Variants in TP73 observed in about 807,000 individuals in gnomAD.
The protein encoded by TP73 is tumor protein p73.
TP73 carries 25 observed loss-of-function variants against 62.5 expected under a neutral mutation model. The ratio of observed to expected loss-of-function variants is 0.40; its 90% CI spans 0.29 to 0.56. TP73 has a LOEUF of 0.56. TP73 is among the 20% of genes least tolerant of loss of function. TP73 has a pLI of 0.46. For synonymous variants in TP73, 423 were observed against 377.5 expected (o/e 1.12, Z -1.40); for missense variants, 754 against 913.3 (o/e 0.83, Z 2.25).
chr1:3,728,251 C>A, intron 9 of TP73, 34 bp downstream of exon 9: 1 of 1,597,378 alleles, frequency 6.3e-7, no homozygotes, highest in Non-Finnish European at 8.5e-7. Context: ...AGCCGGGAGA[C>A]CTGCCTCACC....
At chr1:3,719,890 TTGTGTGTGTGTGTGTGTG>T (rs5772122) in intron 4 of TP73, among the ~76,000 whole-genome samples, 8 of 132,206 alleles carry the variant, frequency 6.1e-5, no homozygotes, top group East Asian at 2.2e-4. Flanking sequence ...TTTTTTCTCT[TTGTGTGTGTGTGTGTGTG>T]TGTGTGTGTG....
At chr1:3,704,631 G>A (rs1021011869) in intron 3 of TP73, among the ~76,000 whole-genome samples, 1 of 152,258 alleles carries the variant, frequency 6.6e-6, no homozygotes, top group Non-Finnish European at 1.5e-5. Flanking sequence ...GGCTGGTGAA[G>A]GGTCGTGTGC....
At chr1:3,656,486 A>G (rs974268015) in intron 1 of TP73, among the ~76,000 whole-genome samples, 1 of 152,218 alleles carries the variant, frequency 6.6e-6, no homozygotes, top group Non-Finnish European at 1.5e-5. Context: ...TTGGCTAAAA[A>G]GTTTACATTT....
Position 3,723,461 on chromosome 1 carries a change from C to A in TP73, c.724C>A (p.Pro242Thr). 1 of 1,609,480 alleles carries A rather than the reference C, an allele frequency of 6.2e-7. No homozygotes were observed. Among genetic ancestry groups the A allele is most frequent in the South Asian group, 1.1e-5 (1 of 90,906 alleles). The change falls in exon 6 of 14, where the codon CCA becomes ACA. Residue 242 changes from proline (P) to threonine (T), a missense_variant. Pro to Thr is a conservative substitution (Grantham distance 38). Transcript: ENST00000378295. ...GCAGAGCGTCGTGGTGCCCTATGAGCCACCACAGGTAGGCCAGGAGCCAGG... is the reference window on the plus strand; with the variant it reads ...GCAGAGCGTCGTGGTGCCCTATGAGACACCACAGGTAGGCCAGGAGCCAGG... ...GRQSVVVPYE[P>T]PQVGTEFTTI...
intron 3 of TP73, among the ~76,000 whole-genome samples, chr1:3,688,619 T>A (rs1220960726): frequency 6.6e-6 from 1 of 151,996 alleles, no homozygotes; most frequent in Non-Finnish European, 1.5e-5. Context: ...GCCAAGGGGG[T>A]GTGGCCCCAG....
rs1642084556 is a variant in TP73 at position 3,730,895 on chromosome 1, T to A, written c.1346-32T>A. On this transcript the variant is annotated intron_variant, in intron 11 of 13. Transcript: ENST00000378295. ...GCTGCACCTGGATGCCCAGCCTGGC[T>A]GCCCTGATGGCCCCACCTGCCTCTC... The A allele has an allele frequency of 7.0e-6, 11 of 1,566,096 alleles. No homozygotes were observed. In the East Asian group the frequency reaches 2.6e-4, roughly 37 times the overall value.
intron 1 of TP73, among the ~76,000 whole-genome samples, chr1:3,680,801 A>G (rs904951510): frequency 3.9e-5 from 6 of 152,224 alleles, no homozygotes; most frequent in Non-Finnish European, 7.3e-5. Flanking sequence ...CCTCAGCTCC[A>G]CTGGGGTTTT....
chr1:3,695,305 GC>G (rs1403824720), intron 3 of TP73, among the ~76,000 whole-genome samples: 1 of 152,206 alleles, frequency 6.6e-6, no homozygotes, highest in Non-Finnish European at 1.5e-5. Context: ...ATGGCCCCTT[GC>G]CCCCCACTTC....
intron 3 of TP73, among the ~76,000 whole-genome samples, chr1:3,700,902 C>T (rs1049560151): frequency 1.3e-5 from 2 of 152,228 alleles, no homozygotes; most frequent in East Asian, 1.9e-4. Context: ...ACCCATGCGG[C>T]GGGAGGGTGA....
chr1:3,704,712 G>A (rs1346592331), intron 3 of TP73, among the ~76,000 whole-genome samples: 1 of 152,334 alleles, frequency 6.6e-6, no homozygotes, highest in Admixed American at 6.5e-5. Flanking sequence ...CACCTCAGAG[G>A]CCTCTTGGGC....
rs958802251 is a variant in TP73, at chr1:3,663,397, G to A, written c.-34+10756G>A. On this transcript the variant is annotated intron_variant, in intron 1 of 13. Transcript: ENST00000378295. The surrounding 1 kb of genome is among the most constrained non-coding windows in gnomAD (Gnocchi z 4.7). ...CATATTTTCCTCCTGGGTTTGTGGGGTGTGGACAGCACGGAGCGTGATGAA... is the reference window on the plus strand; with the variant it reads ...CATATTTTCCTCCTGGGTTTGTGGGATGTGGACAGCACGGAGCGTGATGAA... 6.6e-5 allele frequency among the ~76,000 whole-genome samples: 10 copies of A among 152,186 alleles called. No homozygotes were observed. Among genetic ancestry groups the A allele is most frequent in the African/African-American group, 1.9e-4 (8 of 41,446 alleles).
rs1397583535 is a variant in TP73 at position 3,701,872 on chromosome 1, A to G, written c.187-5677A>G. Among the ~76,000 whole-genome samples the G allele has an allele frequency of 6.6e-6, 1 of 152,202 alleles. No individual in the cohort carries two copies. The highest frequency in any genetic ancestry group is 2.4e-5 in the African/African-American group (1 of 41,450). ...AACGAAGACCTAGGGAGGTGGAGCG[A>G]TGGGCCAGGTTACACAGGTGGAGCT... is the stretch of plus-strand genomic sequence containing the variant. On this transcript the variant is annotated intron_variant, in intron 3 of 13. Transcript: ENST00000378295. The surrounding 1 kb of genome is among the most constrained non-coding windows in gnomAD (Gnocchi z 4.7).
At chr1:3,657,593 T>G (rs749316762) in intron 1 of TP73, among the ~76,000 whole-genome samples, 31 of 152,324 alleles carry the variant, frequency 2.0e-4, no homozygotes, top group Non-Finnish European at 4.0e-4. Context: ...GTATTTTGCT[T>G]CATGTATTTA....
chr1:3,711,356 G>A (rs1640124982), intron 4 of TP73, among the ~76,000 whole-genome samples: 1 of 152,230 alleles, frequency 6.6e-6, no homozygotes, highest in Non-Finnish European at 1.5e-5. Context: ...TGGCCTCTGA[G>A]CCCTGCTGGC....
chr1:3,690,889 A>AC, intron 3 of TP73: 2 of 1,569,628 alleles, frequency 1.3e-6, no homozygotes, highest in Non-Finnish European at 1.7e-6. Flanking sequence ...GCGTGTGCAG[A>AC]CCCCCCGGCG....
chr1:3,704,728 T>C (rs779645643), intron 3 of TP73, among the ~76,000 whole-genome samples: 2 of 152,120 alleles, frequency 1.3e-5, no homozygotes, highest in Non-Finnish European at 2.9e-5. Context: ...TGGGCCTCGG[T>C]GAGGAGTCTG....
At chr1:3,656,745 C>G (rs956001591) in intron 1 of TP73, among the ~76,000 whole-genome samples, 53 of 152,318 alleles carry the variant, frequency 3.5e-4, no homozygotes, top group African/African-American at 1.3e-3. Context: ...ACATTCAGGC[C>G]GGAAGGGCCC....
At chr1:3,665,007 G>A (rs1283079108) in intron 1 of TP73, among the ~76,000 whole-genome samples, 3 of 152,158 alleles carry the variant, frequency 2.0e-5, no homozygotes, top group Admixed American at 6.5e-5. Flanking sequence ...AAGACTCTGC[G>A]GTCTTTGTCA....
chr1:3,673,847 C>T (rs2102056008), intron 1 of TP73, among the ~76,000 whole-genome samples: 2 of 152,290 alleles, frequency 1.3e-5, no homozygotes, highest in African/African-American at 4.8e-5. Context: ...AGAGGGGCTT[C>T]CCAGGCAGGG....
Sources: allele counts gnomAD v4.1 joint callset (sites outside exome capture counted in the v4.1 genomes callset), GRCh38; gene constraint gnomAD v4.1.1; non-coding constraint Gnocchi (gnomAD v3.1); transcripts MANE v1.5; gene names NCBI Gene and HGNC (gene_info 2026-07-23, HGNC 2026-07-21).